FAM184A: variants seen among roughly 807,000 people sequenced by gnomAD.
The protein encoded by FAM184A is protein FAM184A.
Under a neutral mutation model 143.8 loss-of-function variants are expected in FAM184A, and 99 were observed. That is an observed-to-expected ratio of 0.69 (90% confidence interval 0.58 to 0.81). The LOEUF (loss-of-function observed/expected upper bound fraction) is 0.81, where lower values mean the gene tolerates loss of function less well. FAM184A is among the 40% of genes least tolerant of loss of function. The pLI, the probability that FAM184A is intolerant of heterozygous loss-of-function variation, is 0.00. For synonymous variants in FAM184A, 427 were observed against 446.4 expected, an observed-to-expected ratio of 0.96 and a Z score of 0.55; for missense variants, 1,217 against 1,310.5, an observed-to-expected ratio of 0.93 and a Z score of 1.10.
At chr6:119,014,839 A>T (rs1318997187) in intron 5 of FAM184A, among the ~76,000 whole-genome samples, 3 of 152,142 alleles carry the variant, frequency 2.0e-5, no homozygotes, top group Non-Finnish European at 4.4e-5. Flanking sequence ...TGGGAGGATC[A>T]CTTGAGGTCA....
rs1787932712 is a variant in FAM184A at position 119,078,017 on chromosome 6, T to C, written c.159+124A>G. Reference sequence around the variant, plus strand: ...GGGTTTTGGAGGTGTCTCCGGCTGTTGCTTCGGCGGAGGAGTAGAGTTCCC... The same window carrying C: ...GGGTTTTGGAGGTGTCTCCGGCTGTCGCTTCGGCGGAGGAGTAGAGTTCCC... On this transcript the variant is annotated intron_variant, in intron 1 of 17. Transcript: ENST00000338891. The surrounding 1 kb of genome is among the most constrained non-coding windows in gnomAD (Gnocchi z 5.5). 3 of 1,160,038 alleles carry C rather than the reference T, an allele frequency of 2.6e-6. No individual in the cohort carries two copies. The African/African-American group carries it at 4.8e-5, about 19-fold the overall frequency. 71.9% of individuals were successfully genotyped at this position (1,160,038 alleles called of 1,614,324 possible).
chr6:118,974,955 TACTAAATATCAGC>T, intron 13 of FAM184A, 56 bp downstream of exon 13: 1 of 1,274,228 alleles, frequency 7.8e-7, no homozygotes, highest in South Asian at 1.5e-5. Context: ...TAGCATAGAT[TACTAAATATCAGC>T]ACAACAGTTT....
At chr6:119,083,114 G>A (rs543384593), upstream of FAM184A, among the ~76,000 whole-genome samples, 34 of 152,356 alleles carry the variant, frequency 2.2e-4, no homozygotes, top group African/African-American at 7.9e-4. Context: ...TGAAGCAACA[G>A]CCTGAGCTGT....
chr6:119,115,963 C>T (rs111286957), intron 1 of FAM184A, among the ~76,000 whole-genome samples: 6,862 of 111,670 alleles, frequency 0.061, 555 homozygotes, highest in African/African-American at 0.2. Context: ...AGAAAGACTC[C>T]GTCTCAAACA....
At chr6:119,004,556 T>G (rs1199882566) in intron 7 of FAM184A, among the ~76,000 whole-genome samples, 1 of 152,196 alleles carries the variant, frequency 6.6e-6, no homozygotes, top group African/African-American at 2.4e-5. Flanking sequence ...AAGGCAACAT[T>G]AAACGGAGTA....
At chr6:118,979,563 G>T (rs1481712143) in intron 10 of FAM184A, 45 bp from the exon 11 acceptor site, 2 of 1,433,948 alleles carry the variant, frequency 1.4e-6, no homozygotes, top group Non-Finnish European at 9.4e-7. Context: ...ATATAGGAAG[G>T]AAAATGCAAA....
intron 9 of FAM184A, among the ~76,000 whole-genome samples, chr6:118,981,208 T>C (rs1784010804): frequency 1.3e-5 from 2 of 152,216 alleles, no homozygotes; most frequent in African/African-American, 4.8e-5. Context: ...AACAGGTATA[T>C]GTATGTATTA....
chr6:119,107,949 G>A (rs1328744263), intron 1 of FAM184A, among the ~76,000 whole-genome samples: 4 of 152,058 alleles, frequency 2.6e-5, no homozygotes, highest in Non-Finnish European at 5.9e-5. Flanking sequence ...TTTATTAGGT[G>A]ACAACATTCT....
intron 1 of FAM184A, among the ~76,000 whole-genome samples, chr6:119,144,770 G>A (rs1402460815): frequency 3.9e-5 from 6 of 152,192 alleles, no homozygotes; most frequent in African/African-American, 1.4e-4. Context: ...AGACAGTGCT[G>A]AGCTGCTGCC....
chr6:119,049,649 G>A (rs747242536), intron 1 of FAM184A, among the ~76,000 whole-genome samples: 40 of 152,110 alleles, frequency 2.6e-4, no homozygotes, highest in Non-Finnish European at 4.7e-4. Context: ...GATTGGAATT[G>A]GACCCCTTCC....
At chr6:119,142,528 A>T (rs939893946) in intron 1 of FAM184A, among the ~76,000 whole-genome samples, 2 of 152,218 alleles carry the variant, frequency 1.3e-5, no homozygotes, top group Non-Finnish European at 2.9e-5. Context: ...TTGGAACTAG[A>T]GTGGAACTCA....
At position 119,041,999 on chromosome 6, in the gene FAM184A, G is replaced by A. The variant is rs555724673; in HGVS notation, c.160-17186C>T. ...CTTGCCACCATCTTGGAAGCGGCCC[G>A]CCACCATCTTGGGAGCTCTGGGAAC... On this transcript the variant is annotated intron_variant, in intron 1 of 17. Transcript: ENST00000338891. Among the ~76,000 whole-genome samples the A allele has an allele frequency of 3.2e-3, 492 of 152,200 alleles. 5 individuals are homozygous for A. The highest frequency in any genetic ancestry group is 0.012 in the African/African-American group (479 of 41,520).
chr6:119,045,551 C>A (rs1401936644), intron 1 of FAM184A, among the ~76,000 whole-genome samples: 1 of 152,076 alleles, frequency 6.6e-6, no homozygotes, highest in Admixed American at 6.6e-5. Context: ...GCAGATTTTT[C>A]TTCTTGGTGA....
chr6:119,036,066 A>C (rs1438184755), intron 1 of FAM184A, among the ~76,000 whole-genome samples: 1 of 152,118 alleles, frequency 6.6e-6, no homozygotes, highest in South Asian at 2.1e-4. Flanking sequence ...TCACTTATCT[A>C]TTTCCTATTA....
intron 1 of FAM184A, among the ~76,000 whole-genome samples, chr6:119,036,189 C>T (rs1582536506): frequency 1.4e-5 from 2 of 145,742 alleles, no homozygotes; most frequent in African/African-American, 5.1e-5. Context: ...AAATGATTCA[C>T]GTCTTTTTTT....
At chr6:119,123,989 C>A (rs1478822107) in intron 1 of FAM184A, among the ~76,000 whole-genome samples, 1 of 152,188 alleles carries the variant, frequency 6.6e-6, no homozygotes, top group African/African-American at 2.4e-5. Flanking sequence ...CAAGATACAA[C>A]TTTGCACACT....
chr6:118,977,779 T>C (rs1783890594), intron 11 of FAM184A, among the ~76,000 whole-genome samples: 1 of 152,142 alleles, frequency 6.6e-6, no homozygotes, highest in Non-Finnish European at 1.5e-5. Context: ...CTTGACAGAA[T>C]CTTCGTCATT....
chr6:119,011,847 T>C (rs1191168074), intron 5 of FAM184A, among the ~76,000 whole-genome samples: 13 of 152,196 alleles, frequency 8.5e-5, no homozygotes, highest in Admixed American at 2.0e-4. Context: ...TGAGCAAGTA[T>C]AAAATGAAGG....
chr6:119,125,925 T>A (rs761115832), intron 1 of FAM184A, among the ~76,000 whole-genome samples: 3 of 152,260 alleles, frequency 2.0e-5, no homozygotes, highest in Non-Finnish European at 4.4e-5. Context: ...ATTCATTTTC[T>A]ATTACTGCAT....
Sources: gnomAD v4.1 joint callset for allele counts (sites outside exome capture counted in the v4.1 genomes callset) on GRCh38, gnomAD v4.1.1 for gene constraint, Gnocchi (gnomAD v3.1) non-coding constraint, MANE v1.5 for transcripts, NCBI Gene and HGNC (gene_info 2026-07-23, HGNC 2026-07-21) for gene names.